Variants in ADGRL2 observed in about 807,000 individuals in gnomAD.
ADGRL2 encodes calcium-independent alpha-latrotoxin receptor 2.
A neutral mutation model predicts 157.4 loss-of-function variants in ADGRL2; 44 were observed. The observed-to-expected ratio is 0.28, with a 90% CI of 0.22 to 0.36. The LOEUF (loss-of-function observed/expected upper bound fraction) is 0.36. Ranked by LOEUF, ADGRL2 falls within the 10% of genes least tolerant of loss-of-function variation. The pLI, the probability that ADGRL2 is intolerant of heterozygous loss-of-function variation, is 1.00. For missense variants in ADGRL2, 1,510 were observed against 1,768.9 expected, an observed-to-expected ratio of 0.85 and a Z score of 2.63; for synonymous variants, 585 against 624.7, an observed-to-expected ratio of 0.94 and a Z score of 0.95.
intron 2 of ADGRL2, among the ~76,000 whole-genome samples, chr1:81,519,277 G>T (rs2079254936): frequency 6.6e-6 from 1 of 152,156 alleles, no homozygotes; most frequent in South Asian, 2.1e-4. Context: ...CCCAAAAGCT[G>T]AGTCTACCTA....
At chr1:81,819,641 T>C (rs907083067) in intron 1 of ADGRL2, among the ~76,000 whole-genome samples, 2 of 152,140 alleles carry the variant, frequency 1.3e-5, no homozygotes, top group African/African-American at 2.4e-5. Context: ...CTACATGATC[T>C]AGGTTTTTAT....
At chr1:81,664,372 A>G (rs1368946880) in intron 3 of ADGRL2, among the ~76,000 whole-genome samples, 1 of 152,162 alleles carries the variant, frequency 6.6e-6, no homozygotes, top group Non-Finnish European at 1.5e-5. Context: ...ACCCCCTCAG[A>G]AAAGCAATTT....
intron 2 of ADGRL2, among the ~76,000 whole-genome samples, chr1:81,843,278 A>C (rs2092667861): frequency 6.6e-6 from 1 of 151,918 alleles, no homozygotes; most frequent in African/African-American, 2.4e-5. Context: ...GACTACAGGC[A>C]CCCACCACCA....
chr1:81,985,075 C>T lies in ADGRL2; in HGVS notation c.3412-184C>T, dbSNP rs565207226. 2.6e-5 allele frequency among the ~76,000 whole-genome samples: 4 copies of T among 151,956 alleles called. No individual in the cohort carries two copies. In the South Asian group the frequency reaches 8.3e-4, roughly 32 times the overall value. On this transcript the variant is annotated intron_variant, in intron 20 of 23. Coordinates refer to ENST00000686636, the MANE Select transcript of ADGRL2 (RefSeq NM_001366006.2). ...TTTTAAGAGTGGAGGATTAAATGCC[C>T]CTTAGTTGCTTAGTAAATAAACAAT...
chr1:81,925,656 G>GT (rs935010116), intron 3 of ADGRL2, among the ~76,000 whole-genome samples: 8 of 151,090 alleles, frequency 5.3e-5, no homozygotes, highest in African/African-American at 1.7e-4. Context: ...ACAAAGATGC[G>GT]TTTTTTAAAG....
chr1:81,492,802 G>A (rs988113559), intron 2 of ADGRL2, among the ~76,000 whole-genome samples: 2 of 152,118 alleles, frequency 1.3e-5, no homozygotes, highest in African/African-American at 2.4e-5. Flanking sequence ...TACTACTGAC[G>A]TCAATCAGAA....
At chr1:81,519,107 C>T (rs140147465) in intron 2 of ADGRL2, among the ~76,000 whole-genome samples, 2,060 of 152,254 alleles carry the variant, frequency 0.014, 22 homozygotes, top group Non-Finnish European at 0.022. Context: ...TCCAAGGTCA[C>T]ATGGATATTA....
chr1:81,479,215 G>A (rs983791821), intron 2 of ADGRL2, among the ~76,000 whole-genome samples: 1 of 151,682 alleles, frequency 6.6e-6, no homozygotes, highest in Non-Finnish European at 1.5e-5. Context: ...GCTCATGCCT[G>A]TAATCCCAGC....
chr1:81,361,234 T>G (rs2075973332), intron 1 of ADGRL2, among the ~76,000 whole-genome samples: 1 of 151,912 alleles, frequency 6.6e-6, no homozygotes, highest in South Asian at 2.1e-4. Flanking sequence ...GATTTCCAAG[T>G]CTCTAAGCTG....
intron 2 of ADGRL2, among the ~76,000 whole-genome samples, chr1:81,455,029 C>T (rs992913839): frequency 2.0e-5 from 3 of 152,332 alleles, no homozygotes; most frequent in Non-Finnish European, 2.9e-5. Flanking sequence ...CATCCTCTAA[C>T]TTGCTTCCCT....
At chr1:81,433,833 T>C (rs1017333264) in intron 1 of ADGRL2, among the ~76,000 whole-genome samples, 2 of 152,184 alleles carry the variant, frequency 1.3e-5, no homozygotes, top group Non-Finnish European at 2.9e-5. Context: ...AGCAGTCAGA[T>C]AGCAGCAGGA....
intron 1 of ADGRL2, among the ~76,000 whole-genome samples, chr1:81,403,644 A>G (rs2076801677): frequency 6.6e-6 from 1 of 152,122 alleles, no homozygotes; most frequent in African/African-American, 2.4e-5. Context: ...TTCAATAAGT[A>G]GGTAATCTTG....
At position 81,822,849 on chromosome 1, in the gene ADGRL2, T is replaced by G. The variant is rs570855693; in HGVS notation, c.-100-14036T>G. On this transcript the variant is annotated intron_variant, in intron 1 of 23. Coordinates refer to ENST00000686636, the MANE Select transcript of ADGRL2 (RefSeq NM_001366006.2). The stretch of plus-strand genomic sequence containing the variant: ...TGGATTTGGGCCTGAGTTGCAGATT[T>G]TGTTTCTGCAGTAATTATGGGCCTT... 2.0e-5 allele frequency among the ~76,000 whole-genome samples: 3 copies of G among 152,286 alleles called. No individual in the cohort carries two copies. The East Asian group carries it at 5.8e-4, about 29-fold the overall frequency.
In ADGRL2 at chr1:81,959,182, T is replaced by A. The variant is rs72944983; in HGVS notation, c.2017+3122T>A. On this transcript the variant is annotated intron_variant, in intron 11 of 23. Coordinates refer to ENST00000686636, the MANE Select transcript of ADGRL2 (RefSeq NM_001366006.2). ...CCTCACCAATATTTAGGATTGGCAG[T>A]CATTTTATTTTTAGTGGTTCTTGGA... 9.4e-3 allele frequency among the ~76,000 whole-genome samples: 1,438 copies of A among 152,284 alleles called. 22 individuals carry two copies. Among genetic ancestry groups the A allele is most frequent in the African/African-American group, 0.033 (1,374 of 41,560 alleles).
intron 2 of ADGRL2, among the ~76,000 whole-genome samples, chr1:81,776,812 C>G (rs1306006756): frequency 6.6e-6 from 1 of 152,186 alleles, no homozygotes; most frequent in Non-Finnish European, 1.5e-5. Flanking sequence ...TTATCACTTG[C>G]TGGTTTTTAT....
intron 1 of ADGRL2, among the ~76,000 whole-genome samples, chr1:81,392,753 C>G (rs2076582095): frequency 6.6e-6 from 1 of 151,766 alleles, no homozygotes; most frequent in Admixed American, 6.6e-5. Context: ...TTAGTTCAGC[C>G]TCTCTTTCTT....
intron 1 of ADGRL2, chr1:81,426,901 C>A (rs1358998054): frequency 1.5e-6 from 1 of 675,882 alleles, no homozygotes; most frequent in Non-Finnish European, 2.7e-6. Context: ...AAAAGTATGG[C>A]AAGACTGAAA....
At chr1:81,481,489 C>G (rs2078386293) in intron 2 of ADGRL2, among the ~76,000 whole-genome samples, 1 of 152,182 alleles carries the variant, frequency 6.6e-6, no homozygotes, top group Non-Finnish European at 1.5e-5. Context: ...CAGAAGCTCC[C>G]AGGCAGGTGG....
chr1:81,360,636 C>T (rs1004841251), intron 1 of ADGRL2, among the ~76,000 whole-genome samples: 9 of 151,776 alleles, frequency 5.9e-5, no homozygotes, highest in Non-Finnish European at 1.2e-4. Flanking sequence ...CCCATGAGAA[C>T]AGGCATCATA....
Sources: gnomAD v4.1 joint callset for allele counts (sites outside exome capture counted in the v4.1 genomes callset) on GRCh38, gnomAD v4.1.1 for gene constraint, MANE v1.5 for transcripts, NCBI Gene and HGNC (gene_info 2026-07-23, HGNC 2026-07-21) for gene names.